The following NDUFAF7 variants were observed in gnomAD, a reference collection of about 807,000 sequenced individuals.
The protein encoded by NDUFAF7 is NADH:ubiquinone oxidoreductase complex assembly factor 7, also known as protein arginine methyltransferase NDUFAF7, mitochondrial.
Under a neutral mutation model 47.2 loss-of-function variants are expected in NDUFAF7, and 48 were observed. The ratio of observed to expected loss-of-function variants is 1.02; its 90% CI spans 0.81 to 1.29. NDUFAF7 has a LOEUF of 1.29. NDUFAF7 is among the 50% of genes most tolerant of loss of function. The probability of loss-of-function intolerance (pLI) is 0.00; values close to 1 mark genes in which losing one functional copy is unlikely to be tolerated. For synonymous variants in NDUFAF7, 217 were observed against 190.0 expected, an observed-to-expected ratio of 1.14 and a Z score of -1.17; for missense variants, 635 against 537.6, an observed-to-expected ratio of 1.18 and a Z score of -1.79.
chr2:37,257,644 C>T (rs1572607090), downstream of NDUFAF7, among the ~76,000 whole-genome samples: 4 of 120,814 alleles, frequency 3.3e-5, no homozygotes, highest in Non-Finnish European at 6.4e-5. Context: ...CCAGCCTGGG[C>T]GACAGAGTGA....
the NDUFAF7 span, chr2:37,259,669 A>G: frequency 6.2e-7 from 1 of 1,610,676 alleles, no homozygotes; most frequent in Non-Finnish European, 8.5e-7. Context: ...AGATTCCTCA[A>G]AGCAACAAGT....
intron 8 of NDUFAF7, among the ~76,000 whole-genome samples, chr2:37,246,433 C>G (rs1008417361): frequency 6.6e-6 from 1 of 152,112 alleles, no homozygotes; most frequent in African/African-American, 2.4e-5. Flanking sequence ...GTTGTAGAAC[C>G]TATGTTTATA....
chr2:37,231,994 G>C, intron 1 of NDUFAF7, 112 bp from the exon 2 acceptor site: 1 of 1,604,176 alleles, frequency 6.2e-7, no homozygotes, highest in Middle Eastern at 2.1e-4. Context: ...CCCGCGGTCT[G>C]CGGTGGGGCG....
Position 37,232,184 on chromosome 2 carries a change from G to A in NDUFAF7, c.134G>A (p.Arg45Gln), listed in dbSNP as rs143210511. The change falls in exon 2 of 10, where the codon CGG becomes CAG. Residue 45 changes from arginine to glutamine, a missense_variant. Coordinates refer to ENST00000002125, the MANE Select transcript of NDUFAF7 (RefSeq NM_144736.5). ...PAENPVTPMLRHLMYKIKSTG... is the reference protein window; with the variant it reads ...PAENPVTPMLQHLMYKIKSTG... ...GAAAACCCGGTGACGCCGATGCTGC[G>A]GCATCTTATGTACAAAATAAAGTCT... The A allele has an allele frequency of 1.4e-5, 23 of 1,614,016 alleles. No homozygotes were observed. The highest frequency in any genetic ancestry group is 3.4e-6 in the Non-Finnish European group (4 of 1,180,042).
At chr2:37,248,018 C>A (rs1667108146) in intron 9 of NDUFAF7, 117 bp from the exon 10 acceptor site, 1 of 843,206 alleles carries the variant, frequency 1.2e-6, no homozygotes, top group Non-Finnish European at 1.9e-6. Flanking sequence ...GGCAGGTAAT[C>A]AGAAGTCACA....
In NDUFAF7 at chr2:37,236,090, A is replaced by G; in HGVS notation, c.217-6A>G. On this transcript the variant is annotated splice_polypyrimidine_tract_variant and splice_region_variant and intron_variant, in intron 2 of 9. Transcript: ENST00000002125. ...TTTTGTTTCTCTATTTTCTCTTTTT[A>G]CTCAGGGTTATTATGTGTACCGTGA... 6.2e-7 allele frequency: 1 copy of G among 1,608,126 alleles called. No individual in the cohort carries two copies. Among genetic ancestry groups the G allele is most frequent in the Non-Finnish European group, 8.5e-7 (1 of 1,174,722 alleles).
At chr2:37,247,086 CA>C (rs1667008342) in intron 8 of NDUFAF7, among the ~76,000 whole-genome samples, 1 of 152,098 alleles carries the variant, frequency 6.6e-6, no homozygotes, top group South Asian at 2.1e-4. Context: ...TGTTTGTTCC[CA>C]TAAGTATGTT....
At chr2:37,259,811 G>A in the NDUFAF7 span, 1 of 632,616 alleles carries the variant, frequency 1.6e-6, no homozygotes, top group Non-Finnish European at 2.8e-6. Flanking sequence ...GTGTTATTCT[G>A]CTCCTTAAGG....
chr2:37,259,744 C>G, the NDUFAF7 span: 1 of 1,123,122 alleles, frequency 8.9e-7, no homozygotes, highest in Non-Finnish European at 1.3e-6. Context: ...TCATGTGACT[C>G]CTTGAATGAT....
At chr2:37,260,489 G>C in the NDUFAF7 span, 1 of 1,042,216 alleles carries the variant, frequency 9.6e-7, no homozygotes, top group Non-Finnish European at 1.4e-6. Context: ...AGAAAGCCTA[G>C]AGAAGTAAAC....
downstream of NDUFAF7, chr2:37,251,718 C>G (rs893952621): frequency 1.3e-4 from 19 of 151,814 alleles, no homozygotes. Context: ...ATCTTCACGA[C>G]AACACTGTGA....
chr2:37,251,606 C>A (rs1469063133), downstream of NDUFAF7: 5 of 152,238 alleles, frequency 3.3e-5, no homozygotes, highest in African/African-American at 1.2e-4. Context: ...TGTTCATGTA[C>A]CAGAACATTC....
Position 37,237,628 on chromosome 2 carries a change from C to T in NDUFAF7, c.298-129C>T, listed in dbSNP as rs899754928. The T allele has an allele frequency of 2.2e-4, 154 of 694,298 alleles. 1 individual carries two copies. The South Asian group carries it at 2.5e-3, about 11-fold the overall frequency. The allele number at this position is 694,298 out of a possible 1,614,324, so 43.0% of individuals were successfully genotyped here. A position where few individuals can be genotyped will look rare whatever the true frequency, so the allele number is the denominator to read the frequency against. On this transcript the variant is annotated intron_variant, in intron 3 of 9. Coordinates refer to ENST00000002125, the MANE Select transcript of NDUFAF7 (RefSeq NM_144736.5). ...TGTGAACATGTACGTATGTATTGAA[C>T]AACATACATATGGCTGTACACATTT... is the stretch of plus-strand genomic sequence containing the variant.
the NDUFAF7 span, chr2:37,260,081 C>G: frequency 1.4e-6 from 1 of 727,242 alleles, no homozygotes; most frequent in Non-Finnish European, 2.2e-6. Flanking sequence ...ATGAGAATCA[C>G]TTGAATCCAG....
the NDUFAF7 span, among the ~76,000 whole-genome samples, chr2:37,262,519 T>G: frequency 6.6e-6 from 1 of 152,202 alleles, no homozygotes; most frequent in East Asian, 1.9e-4. Context: ...AAATACAAAA[T>G]GACAACATTT....
At chr2:37,238,319 C>A (rs1013241321) in intron 4 of NDUFAF7, among the ~76,000 whole-genome samples, 1 of 152,112 alleles carries the variant, frequency 6.6e-6, no homozygotes, top group African/African-American at 2.4e-5. Flanking sequence ...AATCCAGCTA[C>A]TCAGGAGGCT....
At chr2:37,247,742 A>G in intron 9 of NDUFAF7, 113 bp downstream of exon 9, 5 of 1,264,750 alleles carry the variant, frequency 4.0e-6, no homozygotes, top group Non-Finnish European at 5.6e-6. Context: ...AATCCTTGGT[A>G]TTCCAGTCTT....
downstream of NDUFAF7, among the ~76,000 whole-genome samples, chr2:37,257,747 C>T (rs1326678485): frequency 2.0e-5 from 3 of 150,158 alleles, no homozygotes; most frequent in Admixed American, 1.3e-4. Flanking sequence ...AATCTCTTTT[C>T]CTAAGGATGT....
At chr2:37,253,165 T>A (rs1217747422), downstream of NDUFAF7, 4 of 1,587,502 alleles carry the variant, frequency 2.5e-6, no homozygotes, top group Non-Finnish European at 3.4e-6. Flanking sequence ...CTTATTTAGG[T>A]TAGCTCAGTG....
Sources: gnomAD v4.1 joint callset for allele counts (sites outside exome capture counted in the v4.1 genomes callset) on GRCh38, gnomAD v4.1.1 for gene constraint, MANE v1.5 for transcripts, NCBI Gene and HGNC (gene_info 2026-07-23, HGNC 2026-07-21) for gene names.